The following MFHAS1 variants were observed in gnomAD, a reference collection of about 807,000 sequenced individuals.
MFHAS1 encodes the protein multifunctional ROCO family signaling regulator 1.
Under a neutral mutation model 70.4 loss-of-function variants are expected in MFHAS1, and 50 were observed. The observed-to-expected ratio is 0.71, with a 90% CI of 0.57 to 0.90. MFHAS1 has a LOEUF of 0.90. Among genes scored for constraint, MFHAS1 ranks in the 40% least tolerant of loss-of-function variants. The pLI is 0.00. For missense variants in MFHAS1, 1,795 were observed against 1,347.6 expected, an observed-to-expected ratio of 1.33 and a Z score of -5.20; for synonymous variants, 952 against 620.0, an observed-to-expected ratio of 1.54 and a Z score of -7.96.
At chr8:8,816,430 C>T (rs562206171) in intron 1 of MFHAS1, among the ~76,000 whole-genome samples, 1 of 152,256 alleles carries the variant, frequency 6.6e-6, no homozygotes, top group African/African-American at 2.4e-5. Flanking sequence ...AAATGCTTGA[C>T]AGATTCTGAG....
chr8:8,822,119 G>A (rs55736184), intron 1 of MFHAS1: 15,813 of 152,444 alleles, frequency 0.1, 1,042 homozygotes, highest in African/African-American at 0.18. Context: ...ACCCGGCCAC[G>A]GGCAGCCAAT....
chr8:8,848,816 G>T (rs577765612), intron 1 of MFHAS1, among the ~76,000 whole-genome samples: 27 of 152,264 alleles, frequency 1.8e-4, no homozygotes, highest in Admixed American at 7.8e-4. Flanking sequence ...AATAGCCACA[G>T]AACCAATTTA....
chr8:8,893,210 G>T lies in MFHAS1; in HGVS notation c.-152C>A. On this transcript the variant is annotated 5_prime_UTR_variant, in exon 1 of 3. Transcript: ENST00000276282. ...GTCCTAGCGCAGCCAGCGGCCGAGCGCTGGCGGCTAGGGGGCGGCGGCGAC... is the reference window on the plus strand; with the variant it reads ...GTCCTAGCGCAGCCAGCGGCCGAGCTCTGGCGGCTAGGGGGCGGCGGCGAC... 1 of 264,332 alleles carries T rather than the reference G, an allele frequency of 3.8e-6. No homozygotes were observed. 16.4% of individuals were successfully genotyped at this position (264,332 alleles called of 1,614,324 possible).
At chr8:8,841,312 TA>T (rs1474978045) in intron 1 of MFHAS1, among the ~76,000 whole-genome samples, 1 of 151,846 alleles carries the variant, frequency 6.6e-6, no homozygotes. Flanking sequence ...CCATCTCTAC[TA>T]AAAATACAAA....
chr8:8,886,473 C>G (rs1391203755), intron 1 of MFHAS1, among the ~76,000 whole-genome samples: 1 of 152,142 alleles, frequency 6.6e-6, no homozygotes, highest in South Asian at 2.1e-4. Context: ...CTGCCCATTA[C>G]TTTTCTTGTA....
chr8:8,807,190 G>A (rs928255629), intron 1 of MFHAS1, among the ~76,000 whole-genome samples: 13 of 152,094 alleles, frequency 8.5e-5, no homozygotes, highest in African/African-American at 1.9e-4. Context: ...TTCCTGGAAC[G>A]TCCTTATCTG....
intron 1 of MFHAS1, among the ~76,000 whole-genome samples, chr8:8,881,695 G>A (rs1372338663): frequency 6.6e-5 from 10 of 152,036 alleles, no homozygotes; most frequent in South Asian, 2.1e-4. Flanking sequence ...TTAGTCAGGC[G>A]TGGTGGCAGT....
At chr8:8,849,502 TG>T (rs879581741) in intron 1 of MFHAS1, among the ~76,000 whole-genome samples, 1 of 152,230 alleles carries the variant, frequency 6.6e-6, no homozygotes, top group East Asian at 1.9e-4. Context: ...TACACGTGTG[TG>T]TATTCTGTGT....
intron 1 of MFHAS1, among the ~76,000 whole-genome samples, chr8:8,845,278 A>G (rs1345422905): frequency 6.6e-6 from 1 of 152,246 alleles, no homozygotes; most frequent in African/African-American, 2.4e-5. Context: ...ATAGACACTT[A>G]AAAACTTTTT....
At position 8,832,171 on chromosome 8, in the gene MFHAS1, C is replaced by A. The variant is rs956195901; in HGVS notation, c.2999-34680G>T. The stretch of plus-strand genomic sequence containing the variant: ...ACTTCTAGGTGAAGGTCTTCTTAAC[C>A]TTGAGAGGGACAGAAAGAAAGAAAA... On this transcript the variant is annotated intron_variant, in intron 1 of 2. Transcript: ENST00000276282. 2.0e-5 allele frequency among the ~76,000 whole-genome samples: 3 copies of A among 148,726 alleles called. No individual in the cohort carries two copies. The Admixed American group carries it at 2.0e-4, about 10-fold the overall frequency.
At chr8:8,877,201 G>A (rs923161342) in intron 1 of MFHAS1, among the ~76,000 whole-genome samples, 3 of 150,878 alleles carry the variant, frequency 2.0e-5, no homozygotes, top group African/African-American at 7.3e-5. Flanking sequence ...TGGGGAGGCT[G>A]AGGTGGGAGG....
At chr8:8,801,168 T>C (rs1161189051) in intron 1 of MFHAS1, among the ~76,000 whole-genome samples, 2 of 151,752 alleles carry the variant, frequency 1.3e-5, no homozygotes, top group African/African-American at 4.8e-5. Flanking sequence ...TGACCCAAGA[T>C]TGAGACACTG....
At chr8:8,802,220 A>C (rs1201878900) in intron 1 of MFHAS1, among the ~76,000 whole-genome samples, 1 of 152,166 alleles carries the variant, frequency 6.6e-6, no homozygotes, top group Non-Finnish European at 1.5e-5. Context: ...GCTCAGATGC[A>C]AGAGGTAGTT....
intron 1 of MFHAS1, among the ~76,000 whole-genome samples, chr8:8,876,152 T>C (rs889995124): frequency 6.6e-6 from 1 of 152,176 alleles, no homozygotes; most frequent in Non-Finnish European, 1.5e-5. Flanking sequence ...ACACAAACTA[T>C]TATGATGCCT....
chr8:8,855,151 C>T (rs968739132), intron 1 of MFHAS1, among the ~76,000 whole-genome samples: 1 of 152,180 alleles, frequency 6.6e-6, no homozygotes, highest in African/African-American at 2.4e-5. Flanking sequence ...AGAGGTCTCG[C>T]CATGTCGCCC....
At chr8:8,888,187 C>T (rs1441834420) in intron 1 of MFHAS1, among the ~76,000 whole-genome samples, 1 of 152,208 alleles carries the variant, frequency 6.6e-6, no homozygotes, top group African/African-American at 2.4e-5. Context: ...GAATGGATGT[C>T]TCAGTTGACT....
intron 1 of MFHAS1, among the ~76,000 whole-genome samples, chr8:8,829,788 G>C (rs191900709): frequency 6.6e-6 from 1 of 152,324 alleles, no homozygotes; most frequent in African/African-American, 2.4e-5. Context: ...AGTTAAACTA[G>C]AAGGGAGGGG....
intron 1 of MFHAS1, among the ~76,000 whole-genome samples, chr8:8,811,448 T>A (rs1168687310): frequency 6.6e-6 from 1 of 152,086 alleles, no homozygotes. Context: ...ATTTTTTTAT[T>A]TTTATTTTTT....
chr8:8,791,557 C>T (rs745815168), intron 2 of MFHAS1, among the ~76,000 whole-genome samples: 7 of 152,158 alleles, frequency 4.6e-5, no homozygotes, highest in African/African-American at 1.7e-4. Context: ...AGAAATGAAA[C>T]GCAACCAGCA....
Sources: gnomAD v4.1 joint callset for allele counts (sites outside exome capture counted in the v4.1 genomes callset) on GRCh38, gnomAD v4.1.1 for gene constraint, MANE v1.5 for transcripts, NCBI Gene and HGNC (gene_info 2026-07-23, HGNC 2026-07-21) for gene names.